Variants in NLRC4 observed in about 807,000 individuals in gnomAD.
NLRC4 encodes the protein NLR family CARD domain containing 4, also known as NLR family CARD domain-containing protein 4.
A neutral mutation model predicts 79.9 loss-of-function variants in NLRC4; 63 were observed. The ratio of observed to expected loss-of-function variants is 0.79; its 90% confidence interval spans 0.64 to 0.97. NLRC4 has a LOEUF of 0.97. Among genes scored for constraint, NLRC4 ranks in the 50% least tolerant of loss-of-function variants. The pLI is 0.00. For missense variants in NLRC4, 1,074 were observed against 1,215.2 expected, an observed-to-expected ratio of 0.88 and a Z score of 1.73; for synonymous variants, 461 against 456.5, an observed-to-expected ratio of 1.01 and a Z score of -0.12.
chr2:32,259,262 A>ATTTTTTTTTTTTTTTTTTT (rs57570626), intron 1 of NLRC4, among the ~76,000 whole-genome samples: 1,813 of 52,824 alleles, frequency 0.034, 327 homozygotes, highest in Non-Finnish European at 0.043. Context: ...TGCCTGGCTA[A>ATTTTTTTTTTTTTTTTTTT]TTTTTTTTTT....
Position 32,250,313 on chromosome 2 carries a change from G to A in NLRC4, c.1551C>T (p.Cys517=). The change falls in exon 4 of 9, where the codon TGC becomes TGT. Residue 517 remains cysteine, a synonymous_variant. Transcript: ENST00000402280. This position sits in a 1 kb window ranked among gnomAD's most constrained non-coding sequence, Gnocchi z 4.9. ...TCTTGGCGATGGAAAGTCCGAGAAGGCAGCCGTGTTGATACACTGCTGCGA... is the reference window on the plus strand; with the variant it reads ...TCTTGGCGATGGAAAGTCCGAGAAGACAGCCGTGTTGATACACTGCTGCGA... The part of the protein sequence containing the change: ...KHLAAVYQHG[C]LLGLSIAKRP... 2.5e-6 allele frequency: 4 copies of A among 1,614,144 alleles called. No individual in the cohort carries two copies. The highest frequency in any genetic ancestry group is 3.4e-6 in the Non-Finnish European group (4 of 1,180,028).
At position 32,250,062 on chromosome 2, in the gene NLRC4, T is replaced by C. The variant is rs756980916; in HGVS notation, c.1802A>G (p.His601Arg). The C allele has an allele frequency of 3.1e-6, 5 of 1,614,224 alleles. No individual in the cohort carries two copies. In the East Asian group the frequency reaches 1.1e-4, roughly 36 times the overall value. ...CAGGGCACTTGCACAATTGGGCAAATGTTCAAAGAAGTCAAATAAGTAATC... is the reference window on the plus strand; with the variant it reads ...CAGGGCACTTGCACAATTGGGCAAACGTTCAAAGAAGTCAAATAAGTAATC... Reference protein sequence around the residue: ...IPDYLFDFFEHLPNCASALDF... With the variant: ...IPDYLFDFFERLPNCASALDF... The change falls in exon 4 of 9, where the codon CAT (histidine) becomes CGT (arginine). Residue 601 changes from histidine (H) to arginine (R), a missense_variant. By Grantham distance (29) the His-to-Arg change is conservative. Transcript: ENST00000402280. The surrounding 1 kb of genome is among the most constrained non-coding windows in gnomAD (Gnocchi z 4.9).
rs147355004 is a variant in NLRC4 at position 32,248,593 on chromosome 2, T to C, written c.2257+1014A>G. ...CCAACAGTTTGGAAGGTGGAGGCAG[T>C]AGAACTGCTTGATCCCAGGAGTTCA... On this transcript the variant is annotated intron_variant, in intron 4 of 8. Coordinates refer to ENST00000402280, the MANE Select transcript of NLRC4 (RefSeq NM_001199138.2). Among the ~76,000 whole-genome samples, 498 of 152,196 alleles carry C rather than the reference T, an allele frequency of 3.3e-3. 3 individuals are homozygous for C. The highest frequency in any genetic ancestry group is 0.012 in the African/African-American group (485 of 41,510).
intron 8 of NLRC4, among the ~76,000 whole-genome samples, chr2:32,233,210 GGAA>G (rs1419873602): frequency 1.7e-5 from 2 of 118,866 alleles, no homozygotes; most frequent in Admixed American, 8.8e-5. Context: ...GGGAGGGAAA[GGAA>G]GAAGGAAGGG....
chr2:32,264,157 CG>C (rs1687414047), intron 1 of NLRC4, among the ~76,000 whole-genome samples: 1 of 151,822 alleles, frequency 6.6e-6, no homozygotes, highest in South Asian at 2.1e-4. Context: ...GTTTCCTGGC[CG>C]GGCACGTTGG....
intron 8 of NLRC4, among the ~76,000 whole-genome samples, chr2:32,229,425 C>T (rs1338915038): frequency 3.3e-5 from 5 of 152,038 alleles, no homozygotes; most frequent in South Asian, 2.1e-4. Context: ...TCCCAGGAAG[C>T]GGAGGTTGCA....
At chr2:32,260,810 T>G (rs1040138583) in intron 1 of NLRC4, among the ~76,000 whole-genome samples, 1 of 152,170 alleles carries the variant, frequency 6.6e-6, no homozygotes, top group Non-Finnish European at 1.5e-5. Flanking sequence ...GCCGGCTTCT[T>G]CGTGCGCTAT....
At chr2:32,237,566 T>C (rs895189545) in intron 6 of NLRC4, among the ~76,000 whole-genome samples, 12 of 152,224 alleles carry the variant, frequency 7.9e-5, no homozygotes, top group African/African-American at 2.7e-4. Context: ...TTTAAAAAGA[T>C]TATACCACTG....
At chr2:32,249,482 G>C (rs1687012266) in intron 4 of NLRC4, 125 bp downstream of exon 4, 4 of 790,460 alleles carry the variant, frequency 5.1e-6, no homozygotes, top group Non-Finnish European at 8.0e-6. Flanking sequence ...CTCAGCCTGT[G>C]GGATGGCCAC....
At chr2:32,224,818 A>AAAAAG in intron 8 of NLRC4, 53 bp from the exon 9 acceptor site, 1 of 1,074,090 alleles carries the variant, frequency 9.3e-7, no homozygotes, top group Non-Finnish European at 1.3e-6. Flanking sequence ...TTTAAAAAAA[A>AAAAAG]AGAGAAATAG....
At chr2:32,234,424 T>A (rs1686626184) in intron 8 of NLRC4, among the ~76,000 whole-genome samples, 1 of 152,038 alleles carries the variant, frequency 6.6e-6, no homozygotes, top group African/African-American at 2.4e-5. Context: ...TTTAATAAAT[T>A]GTACGTTACG....
rs772951160 is a variant in NLRC4 at position 32,256,801 on chromosome 2, T to G, written c.-26A>C. The G allele has an allele frequency of 3.8e-6, 3 of 780,968 alleles. No individual in the cohort carries two copies. The Admixed American group carries it at 5.1e-5, about 13-fold the overall frequency. 48.4% of individuals were successfully genotyped at this position (780,968 alleles called of 1,614,324 possible). A position where few individuals can be genotyped will look rare whatever the true frequency, so the allele number is the denominator to read the frequency against. ...TGTTCTGGATGAAAGCTTCCCACCT[T>G]TCTATAACACAATAGAAAATATTAT... On this transcript the variant is annotated 5_prime_UTR_variant, in exon 2 of 9. Coordinates refer to ENST00000402280, the MANE Select transcript of NLRC4 (RefSeq NM_001199138.2).
At chr2:32,262,110 A>G (rs755668404) in intron 1 of NLRC4, among the ~76,000 whole-genome samples, 4 of 152,070 alleles carry the variant, frequency 2.6e-5, no homozygotes, top group African/African-American at 9.7e-5. Flanking sequence ...GAAAGAAAAG[A>G]AAAGAAATTG....
chr2:32,248,756 A>C (rs574103958), intron 4 of NLRC4, among the ~76,000 whole-genome samples: 2 of 151,400 alleles, frequency 1.3e-5, no homozygotes, highest in African/African-American at 4.9e-5. Context: ...ACAGAGCAAG[A>C]CCCAACCTCG....
At chr2:32,225,118 A>G (rs373750451) in intron 8 of NLRC4, among the ~76,000 whole-genome samples, 14 of 152,160 alleles carry the variant, frequency 9.2e-5, no homozygotes, top group African/African-American at 3.1e-4. Flanking sequence ...AACTGGAGTC[A>G]ATCTTTGGCA....
At chr2:32,238,664 C>CG (rs11421087) in intron 5 of NLRC4, among the ~76,000 whole-genome samples, 93,850 of 151,504 alleles carry the variant, frequency 0.62, 29,299 homozygotes, top group Admixed American at 0.65. Context: ...TCTTAAACAG[C>CG]GGGGGGGCTG....
Position 32,252,408 on chromosome 2 carries a change from C to G in NLRC4, c.262+11G>C, listed in dbSNP as rs1371660190. ...CTTGCAGAAACAGATGCAAAACTAA[C>G]TGATACTTACTTTGTCCATTCAAGT... On this transcript the variant is annotated intron_variant, in intron 3 of 8. Coordinates refer to ENST00000402280, the MANE Select transcript of NLRC4 (RefSeq NM_001199138.2). The G allele has an allele frequency of 1.3e-6, 2 of 1,592,444 alleles. No homozygotes were observed. Among genetic ancestry groups the G allele is most frequent in the Non-Finnish European group, 1.7e-6 (2 of 1,160,476 alleles).
At chr2:32,239,711 C>T (rs1157522240) in intron 5 of NLRC4, among the ~76,000 whole-genome samples, 1 of 152,088 alleles carries the variant, frequency 6.6e-6, no homozygotes, top group Non-Finnish European at 1.5e-5. Context: ...ATTTTGATTC[C>T]TTAATAGCAG....
intron 8 of NLRC4, among the ~76,000 whole-genome samples, chr2:32,225,352 G>A (rs1335628764): frequency 1.3e-5 from 2 of 151,572 alleles, no homozygotes; most frequent in Non-Finnish European, 2.9e-5. Flanking sequence ...AGGGTAGGTG[G>A]ATATCCTGTC....
Sources: allele counts gnomAD v4.1 joint callset (sites outside exome capture counted in the v4.1 genomes callset), GRCh38; gene constraint gnomAD v4.1.1; non-coding constraint Gnocchi (gnomAD v3.1); transcripts MANE v1.5; gene names NCBI Gene and HGNC (gene_info 2026-07-23, HGNC 2026-07-21).